ALK: variants seen among roughly 807,000 people sequenced by gnomAD.
ALK encodes ALK receptor tyrosine kinase, also known as ALK tyrosine kinase receptor.
Under a neutral mutation model 163.1 loss-of-function variants are expected in ALK, and 74 were observed. The observed-to-expected ratio is 0.45, with a 90% CI of 0.38 to 0.55. ALK has a LOEUF of 0.55. Ranked by LOEUF, ALK falls within the 20% of genes least tolerant of loss-of-function variation. The pLI is 0.00. For missense variants in ALK, 2,063 were observed against 2,105.3 expected (o/e 0.98, Z 0.39); for synonymous variants, 960 against 843.2 (o/e 1.14, Z -2.40).
chr2:29,366,190 G>A (rs923383810), intron 5 of ALK, among the ~76,000 whole-genome samples: 1 of 152,138 alleles, frequency 6.6e-6, no homozygotes, highest in Non-Finnish European at 1.5e-5. Flanking sequence ...AAAAGTCACA[G>A]AGTGAGGCAG....
At chr2:29,512,447 A>G (rs1200485676) in intron 4 of ALK, among the ~76,000 whole-genome samples, 1 of 148,312 alleles carries the variant, frequency 6.7e-6, no homozygotes, top group Non-Finnish European at 1.5e-5. Context: ...AAATTCAACA[A>G]GACTTCATGC....
intron 14 of ALK, among the ~76,000 whole-genome samples, chr2:29,232,724 G>A (rs1480007872): frequency 6.6e-6 from 1 of 152,182 alleles, no homozygotes; most frequent in Non-Finnish European, 1.5e-5. Flanking sequence ...GATCTTAGAG[G>A]CTGCTTCCTC....
chr2:29,223,078 T>C (rs962828652), intron 20 of ALK, among the ~76,000 whole-genome samples: 2 of 152,068 alleles, frequency 1.3e-5, no homozygotes, highest in Non-Finnish European at 2.9e-5. Flanking sequence ...GGGAGCCAGG[T>C]AGACTTGGAG....
chr2:29,422,703 T>C (rs1279251313), intron 4 of ALK, among the ~76,000 whole-genome samples: 2 of 152,200 alleles, frequency 1.3e-5, no homozygotes, highest in Admixed American at 6.5e-5. Context: ...TGACATCTCT[T>C]GCCAGCTGCT....
At chr2:29,723,595 T>G (rs1679481594) in intron 1 of ALK, among the ~76,000 whole-genome samples, 1 of 152,222 alleles carries the variant, frequency 6.6e-6, no homozygotes, top group South Asian at 2.1e-4. Flanking sequence ...AGGTGTTATC[T>G]CTGGCACTTA....
At chr2:29,801,702 T>C (rs753428094) in intron 1 of ALK, among the ~76,000 whole-genome samples, 19 of 152,210 alleles carry the variant, frequency 1.2e-4, no homozygotes, top group Admixed American at 5.9e-4. Flanking sequence ...AATACAGCTC[T>C]CCATTTGCTA....
chr2:29,686,040 C>T (rs1401598588), intron 3 of ALK, among the ~76,000 whole-genome samples: 3 of 152,202 alleles, frequency 2.0e-5, no homozygotes, highest in Non-Finnish European at 2.9e-5. Flanking sequence ...CCTGTGATTC[C>T]ACTGGGTCAA....
At chr2:29,592,743 G>A (rs190511461) in intron 3 of ALK, among the ~76,000 whole-genome samples, 107 of 152,292 alleles carry the variant, frequency 7.0e-4, no homozygotes, top group Admixed American at 3.6e-3. Context: ...CTTTGCAGAT[G>A]TAATTAAGCT....
At chr2:29,736,818 T>G (rs1679904728) in intron 1 of ALK, among the ~76,000 whole-genome samples, 1 of 152,146 alleles carries the variant, frequency 6.6e-6, no homozygotes, top group Admixed American at 6.5e-5. Flanking sequence ...CATTTGTAAT[T>G]AAGCCGTATA....
At chr2:29,211,758 C>T (rs1669471996) in intron 24 of ALK, among the ~76,000 whole-genome samples, 1 of 120,110 alleles carries the variant, frequency 8.3e-6, no homozygotes, top group East Asian at 2.0e-4. Context: ...ATACAGATGA[C>T]CAAATTGCCC....
chr2:29,241,878 A>C lies in ALK; in HGVS notation c.2205-2048T>G, dbSNP rs371429844. Among the ~76,000 whole-genome samples, 54 of 152,280 alleles carry C rather than the reference A, an allele frequency of 3.5e-4. 1 individual carries two copies. The East Asian group carries it at 5.4e-3, about 15-fold the overall frequency. ...GTAACTCATCTGAGGCCACACAGCC[A>C]GTCAGTGGCTGGCTATGGTCCAAAC... On this transcript the variant is annotated intron_variant, in intron 12 of 28. Transcript: ENST00000389048.
At chr2:29,288,374 G>A (rs1444592991) in intron 9 of ALK, among the ~76,000 whole-genome samples, 1 of 152,162 alleles carries the variant, frequency 6.6e-6, no homozygotes, top group Non-Finnish European at 1.5e-5. Flanking sequence ...TCCCTCTCTG[G>A]ATGACTGATC....
chr2:29,691,234 G>C (rs2148286408), intron 3 of ALK, among the ~76,000 whole-genome samples: 1 of 152,352 alleles, frequency 6.6e-6, no homozygotes, highest in East Asian at 1.9e-4. Context: ...TGGATTTTCT[G>C]GGAGGGCTGG....
intron 3 of ALK, among the ~76,000 whole-genome samples, chr2:29,680,460 T>TA (rs1229665522): frequency 6.6e-6 from 1 of 152,138 alleles, no homozygotes; most frequent in African/African-American, 2.4e-5. Context: ...AAATCTGCTG[T>TA]TGAGCTGGTC....
At chr2:29,429,560 C>A (rs1259868667) in intron 4 of ALK, among the ~76,000 whole-genome samples, 1 of 151,888 alleles carries the variant, frequency 6.6e-6, no homozygotes, top group African/African-American at 2.4e-5. Context: ...AACTACAAAA[C>A]ATTGTTGAAG....
chr2:29,231,981 G>A, intron 15 of ALK, among the ~76,000 whole-genome samples: 1 of 152,164 alleles, frequency 6.6e-6, no homozygotes, highest in East Asian at 1.9e-4. Context: ...CCTAACTGGG[G>A]GGCCCATCTG....
At chr2:29,208,560 G>A (rs1197689789) in intron 25 of ALK, among the ~76,000 whole-genome samples, 3 of 152,204 alleles carry the variant, frequency 2.0e-5, no homozygotes, top group Non-Finnish European at 2.9e-5. Context: ...GATAGCAGTG[G>A]TAGACACTCC....
At chr2:29,579,217 G>C (rs1213823623) in intron 3 of ALK, among the ~76,000 whole-genome samples, 2 of 152,226 alleles carry the variant, frequency 1.3e-5, no homozygotes, top group Non-Finnish European at 2.9e-5. Context: ...CCTTGTGTTA[G>C]CAATTTTGTC....
chr2:29,321,003 C>A, intron 6 of ALK, 121 bp from the exon 7 acceptor site: 1 of 1,251,582 alleles, frequency 8.0e-7, no homozygotes. Context: ...AGCTCCCCAG[C>A]CAGAATGCTG....
Sources: gnomAD v4.1 joint callset for allele counts (sites outside exome capture counted in the v4.1 genomes callset) on GRCh38, gnomAD v4.1.1 for gene constraint, MANE v1.5 for transcripts, NCBI Gene and HGNC (gene_info 2026-07-23, HGNC 2026-07-21) for gene names.